Variants in ACAP2 observed in about 807,000 individuals in gnomAD.
The protein encoded by ACAP2 is ArfGAP with coiled-coil, ankyrin repeat and PH domains 2.
ACAP2 carries 39 observed loss-of-function variants against 115.8 expected under a neutral mutation model. The ratio of observed to expected loss-of-function variants is 0.34; its 90% CI spans 0.26 to 0.44. ACAP2 has a LOEUF of 0.44. Among genes scored for constraint, ACAP2 ranks in the 20% least tolerant of loss-of-function variants. The pLI is 1.00. For missense variants in ACAP2, 662 were observed against 927.6 expected (o/e 0.71, Z 3.72); for synonymous variants, 289 against 315.8 (o/e 0.92, Z 0.90).
chr3:195,419,299 T>C (rs879938308), intron 1 of ACAP2: 7 of 152,204 alleles, frequency 4.6e-5, no homozygotes, highest in Non-Finnish European at 8.8e-5. Context: ...TAGATCGGCC[T>C]ATATGCAACA....
chr3:195,323,710 A>G (rs184055241), intron 9 of ACAP2, among the ~76,000 whole-genome samples: 2 of 152,148 alleles, frequency 1.3e-5, no homozygotes. Flanking sequence ...AAATAAAACA[A>G]CTGGACTCAG....
chr3:195,414,595 A>C (rs1161634049), intron 1 of ACAP2, among the ~76,000 whole-genome samples: 1 of 152,232 alleles, frequency 6.6e-6, no homozygotes, highest in Non-Finnish European at 1.5e-5. Flanking sequence ...ATCATTCAGC[A>C]CTAAAAAGAA....
At chr3:195,324,522 G>A (rs570127221) in intron 9 of ACAP2, among the ~76,000 whole-genome samples, 1 of 152,212 alleles carries the variant, frequency 6.6e-6, no homozygotes, top group African/African-American at 2.4e-5. Flanking sequence ...GGGAGGCCGA[G>A]GTGGATGGAT....
chr3:195,339,588 T>C (rs1295429832), intron 6 of ACAP2, among the ~76,000 whole-genome samples: 6 of 151,684 alleles, frequency 4.0e-5, no homozygotes, highest in Admixed American at 2.0e-4. Context: ...ACAAACTTTA[T>C]ACATTTGGAT....
chr3:195,364,931 A>T (rs778374279), intron 4 of ACAP2, among the ~76,000 whole-genome samples: 41 of 152,242 alleles, frequency 2.7e-4, no homozygotes, highest in Non-Finnish European at 5.4e-4. Flanking sequence ...TACACAATGC[A>T]GTACTAGTCA....
At chr3:195,345,408 C>A in intron 4 of ACAP2, 91 bp from the exon 5 acceptor site, 1 of 752,874 alleles carries the variant, frequency 1.3e-6, no homozygotes. Flanking sequence ...TCCATCAATT[C>A]TTCAATTCTA....
At chr3:195,308,694 C>A in intron 11 of ACAP2, 92 bp downstream of exon 11, 1 of 1,010,422 alleles carries the variant, frequency 9.9e-7, no homozygotes, top group Non-Finnish European at 1.5e-6. Context: ...ATTAATTTTA[C>A]ACAAATGAGT....
chr3:195,359,817 T>C (rs1297614125), intron 4 of ACAP2, among the ~76,000 whole-genome samples: 1 of 152,206 alleles, frequency 6.6e-6, no homozygotes, highest in Non-Finnish European at 1.5e-5. Context: ...GTTTATGCAA[T>C]CAGTGTTGAT....
intron 18 of ACAP2, among the ~76,000 whole-genome samples, chr3:195,292,918 T>G (rs941161721): frequency 6.0e-4 from 18 of 29,844 alleles, no homozygotes; most frequent in African/African-American, 1.8e-3. Flanking sequence ...CGAGACTCAG[T>G]CTCAAAAAAA....
In ACAP2 at chr3:195,333,031, T is replaced by C. The variant is rs1422960557; in HGVS notation, c.666A>G (p.Ala222=). 1 of 1,596,770 alleles carries C rather than the reference T, an allele frequency of 6.3e-7. No homozygotes were observed. The highest frequency in any genetic ancestry group is 1.7e-5 in the Admixed American group (1 of 57,780). The part of the protein sequence containing the change: ...ELGPYMKDLG[A]QLDRLVVDAA... ...AAGAAATATACTGCAACATTACCTG[T>C]GCACCAAGATCCTTCATGTAGGGTC... The change falls in exon 8 of 23, where the codon GCA becomes GCG. Residue 222 remains alanine, a synonymous_variant. Coordinates refer to ENST00000326793, the MANE Select transcript of ACAP2 (RefSeq NM_012287.6).
chr3:195,355,269 T>C (rs1206271859), intron 4 of ACAP2, among the ~76,000 whole-genome samples: 1 of 129,530 alleles, frequency 7.7e-6, no homozygotes, highest in East Asian at 2.4e-4. Flanking sequence ...AGCTAATTCT[T>C]TTCTTTTTCT....
intron 4 of ACAP2, among the ~76,000 whole-genome samples, chr3:195,356,537 A>G (rs765720163): frequency 1.3e-5 from 2 of 152,086 alleles, no homozygotes; most frequent in East Asian, 1.9e-4. Flanking sequence ...ACATCTCCCA[A>G]TCAAAGGCAG....
chr3:195,282,497 GAAC>G (rs1366847775), intron 22 of ACAP2: 9 of 152,166 alleles, frequency 5.9e-5, no homozygotes, highest in Non-Finnish European at 1.0e-4. Context: ...AATGTTACAA[GAAC>G]AATAGTGACC....
intron 8 of ACAP2, among the ~76,000 whole-genome samples, chr3:195,332,665 C>T (rs1044908004): frequency 2.0e-5 from 3 of 152,190 alleles, no homozygotes; most frequent in African/African-American, 7.2e-5. Context: ...GTGGAGGGAA[C>T]TGAGTCATGG....
intron 7 of ACAP2, among the ~76,000 whole-genome samples, chr3:195,334,466 T>C (rs1730373099): frequency 6.6e-6 from 1 of 151,910 alleles, no homozygotes. Flanking sequence ...AATGATAAAC[T>C]AGGGAAAAAC....
chr3:195,351,541 A>C (rs1264789276), intron 4 of ACAP2, among the ~76,000 whole-genome samples: 2 of 150,166 alleles, frequency 1.3e-5, no homozygotes, highest in African/African-American at 2.5e-5. Context: ...AGCTCACTGC[A>C]AGCTCCACCT....
intron 9 of ACAP2, among the ~76,000 whole-genome samples, chr3:195,322,723 T>A (rs1446810570): frequency 6.6e-6 from 1 of 152,228 alleles, no homozygotes; most frequent in African/African-American, 2.4e-5. Flanking sequence ...TTTGTTAACA[T>A]TCTAAAGGTT....
chr3:195,411,486 T>C (rs1016855016), intron 1 of ACAP2, among the ~76,000 whole-genome samples: 1 of 152,232 alleles, frequency 6.6e-6, no homozygotes, highest in African/African-American at 2.4e-5. Flanking sequence ...CTGAGCTGTA[T>C]ACTTAAAAAA....
chr3:195,351,456 G>A (rs1039414044), intron 4 of ACAP2, among the ~76,000 whole-genome samples: 1 of 95,264 alleles, frequency 1.0e-5, no homozygotes, highest in Non-Finnish European at 2.4e-5. Context: ...GTGTGTGTGT[G>A]TGTGTGTGTG....
Sources: allele counts gnomAD v4.1 joint callset (sites outside exome capture counted in the v4.1 genomes callset), GRCh38; gene constraint gnomAD v4.1.1; transcripts MANE v1.5; gene names NCBI Gene and HGNC (gene_info 2026-07-23, HGNC 2026-07-21).